ZNF649: variants seen among roughly 807,000 people sequenced by gnomAD.
ZNF649 encodes the protein zinc finger protein 649.
Under a neutral mutation model 14.1 loss-of-function variants are expected in ZNF649, and 7 were observed. The observed-to-expected ratio is 0.49, with a 90% confidence interval of 0.28 to 0.93. ZNF649 has a LOEUF of 0.93. ZNF649 is among the 40% of genes least tolerant of loss of function. The pLI is 0.10. For synonymous variants in ZNF649, 227 were observed against 212.3 expected (o/e 1.07, Z -0.60); for missense variants, 544 against 608.1 (o/e 0.89, Z 1.11).
At chr19:51,903,593 C>T (rs144528950) in intron 1 of ZNF649, among the ~76,000 whole-genome samples, 348 of 152,318 alleles carry the variant, frequency 2.3e-3, no homozygotes, top group Middle Eastern at 0.014. Context: ...CCGAGGCGGG[C>T]AGATCACCTG....
At chr19:51,900,633 G>A (rs2085089275) in intron 1 of ZNF649, among the ~76,000 whole-genome samples, 1 of 152,158 alleles carries the variant, frequency 6.6e-6, no homozygotes, top group African/African-American at 2.4e-5. Context: ...CCTCCTCAGA[G>A]GCCTCCTGTG....
chr19:51,896,191 A>G, intron 4 of ZNF649: 1 of 292,660 alleles, frequency 3.4e-6, no homozygotes, highest in South Asian at 5.0e-5. Context: ...ACAAGTGATG[A>G]AGAAGAATGG....
At chr19:51,901,950 C>CA (rs35820639) in intron 1 of ZNF649, among the ~76,000 whole-genome samples, 3,251 of 63,336 alleles carry the variant, frequency 0.051, 88 homozygotes, top group Middle Eastern at 0.12. Flanking sequence ...GACTCTGTAT[C>CA]AAAAAAAAAA....
At chr19:51,899,843 C>G (rs538094482) in intron 2 of ZNF649, 1 of 368,968 alleles carries the variant, frequency 2.7e-6, no homozygotes, top group African/African-American at 2.1e-5. Context: ...TGGACACAAG[C>G]TGACACTTAA....
chr19:51,896,430 A>T (rs373878470), intron 4 of ZNF649, 42 bp downstream of exon 4: 29 of 1,572,796 alleles, frequency 1.8e-5, no homozygotes, highest in Non-Finnish European at 2.2e-5. Context: ...CCAGAATGTG[A>T]CTTCCGCTGC....
At position 51,902,073 on chromosome 19, in the gene ZNF649, TCAC is replaced by T. The variant is rs1440005012; in HGVS notation, c.-187-1782_-187-1780del. Among the ~76,000 whole-genome samples the T allele has an allele frequency of 2.0e-5, 3 of 152,076 alleles. No homozygotes were observed. In the East Asian group the frequency reaches 5.8e-4, roughly 29 times the overall value. On this transcript the variant is annotated intron_variant, in intron 1 of 4. Coordinates refer to ENST00000354957, the MANE Select transcript of ZNF649 (RefSeq NM_023074.4). ...CTGCCATGTGAGGGCACCGCATTCT[TCAC>T]CTCCAAAGAAATAGCGACAAAACAC...
chr19:51,899,962 C>T (rs2122771053), intron 2 of ZNF649, 131 bp downstream of exon 2: 1 of 654,612 alleles, frequency 1.5e-6, no homozygotes, highest in Non-Finnish European at 2.4e-6. Flanking sequence ...ATTAAAGGTA[C>T]AGTCTAAGTC....
intron 4 of ZNF649, among the ~76,000 whole-genome samples, chr19:51,895,837 C>A (rs977327813): frequency 2.0e-5 from 3 of 152,086 alleles, no homozygotes; most frequent in Admixed American, 6.6e-5. Flanking sequence ...AAATGCTGTT[C>A]TAGCAAATTA....
chr19:51,902,446 G>A (rs1255919515), intron 1 of ZNF649, among the ~76,000 whole-genome samples: 1 of 152,160 alleles, frequency 6.6e-6, no homozygotes, highest in Non-Finnish European at 1.5e-5. Flanking sequence ...CCTCAGGTTC[G>A]ATTAATTTGC....
chr19:51,891,487 T>C lies in ZNF649; in HGVS notation c.649A>G (p.Lys217Glu). ...TCGTGTTCAGTGAGCCTGTACTTCT[T>C]GTAGAAGGCTTTCCCACACAAGCTA... Reference protein sequence around the residue: ...VCSLCGKAFYKKYRLTEHERA... With the variant: ...VCSLCGKAFYEKYRLTEHERA... The change falls in exon 5 of 5, where the codon AAG (lysine) becomes GAG (glutamate). Residue 217 changes from lysine to glutamate, a missense_variant. Physicochemically the swap from Lys to Glu is moderately conservative, Grantham distance 56 (BLOSUM62 1). Coordinates refer to ENST00000354957, the MANE Select transcript of ZNF649 (RefSeq NM_023074.4). This position sits in a 1 kb window ranked among gnomAD's most constrained non-coding sequence, Gnocchi z 4.2. 1.9e-6 allele frequency: 3 copies of C among 1,614,206 alleles called. No individual in the cohort carries two copies. Among genetic ancestry groups the C allele is most frequent in the South Asian group, 1.1e-5 (1 of 91,078 alleles).
intron 4 of ZNF649, among the ~76,000 whole-genome samples, chr19:51,895,909 G>A (rs2085059569): frequency 6.6e-6 from 1 of 152,178 alleles, no homozygotes; most frequent in African/African-American, 2.4e-5. Context: ...CAGAAGCTGA[G>A]GTGACAACCT....
Position 51,891,130 on chromosome 19 carries a change from GTA to G in ZNF649, c.1004_1005del (p.Ile335ThrfsTer15), listed in dbSNP as rs868853351. On this transcript the variant is annotated frameshift_variant, in exon 5 of 5. Coordinates refer to ENST00000354957, the MANE Select transcript of ZNF649 (RefSeq NM_023074.4). LOFTEE classifies it low-confidence loss of function (END_TRUNC). This position sits in a 1 kb window ranked among gnomAD's most constrained non-coding sequence, Gnocchi z 4.2. ...TTCTCTCCAGTGTGAGTTCGTTGAT[GTA>G]TGTTGAGATTGCCCTTCTGAATGAA... Reference protein sequence around the residue: ...KGFIQKGNLNIHQRTHTGEKP... With the variant: ...KGFIQKGNLNXHQRTHTGEKP... 1 of 1,614,046 alleles carries G rather than the reference GTA, an allele frequency of 6.2e-7. No homozygotes were observed. Among genetic ancestry groups the G allele is most frequent in the Non-Finnish European group, 8.5e-7 (1 of 1,180,014 alleles).
chr19:51,891,057 C>T lies in ZNF649; in HGVS notation c.1079G>A (p.Cys360Tyr). 6.2e-7 allele frequency: 1 copy of T among 1,614,204 alleles called. No individual in the cohort carries two copies. Among genetic ancestry groups the T allele is most frequent in the South Asian group, 1.1e-5 (1 of 91,080 alleles). Residue 360 changes from cysteine (C) to tyrosine (Y), a missense_variant, in exon 5 of 5, where the codon TGC (cysteine) becomes TAC (tyrosine). Transcript: ENST00000354957. This position sits in a 1 kb window ranked among gnomAD's most constrained non-coding sequence, Gnocchi z 4.2. ...DCGKAFSQKS[C>Y]LVAHQRYHTG... ...ATGATATCTCTGATGTGCTACAAGG[C>T]AAGACTTCTGGCTGAAGGCCTTGCC... is the stretch of plus-strand genomic sequence containing the variant.
At position 51,890,880 on chromosome 19, in the gene ZNF649, A is replaced by G; in HGVS notation, c.1256T>C (p.Val419Ala). 2 of 1,614,258 alleles carry G rather than the reference A, an allele frequency of 1.2e-6. No homozygotes were observed. Among genetic ancestry groups the G allele is most frequent in the Non-Finnish European group, 1.7e-6 (2 of 1,180,038 alleles). The change falls in exon 5 of 5, where the codon GTA (valine) becomes GCA (alanine). Residue 419 changes from valine (V) to alanine (A), a missense_variant. Coordinates refer to ENST00000354957, the MANE Select transcript of ZNF649 (RefSeq NM_023074.4). ...KAFLTKTMLI[V>A]HHRTHTGERP... ...CTCTCCCGTGTGAGTTCTGTGATGT[A>G]CAATGAGCATTGTCTTTGTAAGGAA...
At chr19:51,904,090 ACT>A (rs941482067) in intron 1 of ZNF649, 16 of 152,540 alleles carry the variant, frequency 1.0e-4, no homozygotes, top group African/African-American at 3.9e-4. Context: ...AACCAATCTC[ACT>A]GTTTCTGGAC....
At chr19:51,895,555 G>A (rs894143852) in intron 4 of ZNF649, among the ~76,000 whole-genome samples, 22 of 151,866 alleles carry the variant, frequency 1.4e-4, no homozygotes, top group African/African-American at 5.3e-4. Context: ...TGTTGGCAAA[G>A]CTGGTCTCAA....
chr19:51,889,277 C>T lies in ZNF649; in HGVS notation c.*1341G>A, dbSNP rs1272527964. The T allele has an allele frequency of 6.6e-6, 1 of 152,106 alleles. No individual in the cohort carries two copies. The highest frequency in any genetic ancestry group is 1.5e-5 in the Non-Finnish European group (1 of 68,020). The allele number at this position is 152,106 out of a possible 1,614,324, so 9.4% of individuals were successfully genotyped here. On this transcript the variant is annotated 3_prime_UTR_variant, in exon 5 of 5. Coordinates refer to ENST00000354957, the MANE Select transcript of ZNF649 (RefSeq NM_023074.4). ...ATTATACAGTAAGTGATATAATGTC[C>T]TTGAAGTTAGAATGATAAGTTCATG...
At chr19:51,899,185 CAG>C (rs1453314602) in intron 2 of ZNF649, among the ~76,000 whole-genome samples, 3 of 152,192 alleles carry the variant, frequency 2.0e-5, no homozygotes, top group Non-Finnish European at 4.4e-5. Flanking sequence ...GAACCAGAGA[CAG>C]AGACCAAATA....
intron 1 of ZNF649, among the ~76,000 whole-genome samples, chr19:51,902,526 A>C (rs908707352): frequency 6.6e-6 from 1 of 152,244 alleles, no homozygotes; most frequent in African/African-American, 2.4e-5. Flanking sequence ...TCCTGTCTAG[A>C]AAAACGAAGT....
Sources: gnomAD v4.1 joint callset for allele counts (sites outside exome capture counted in the v4.1 genomes callset) on GRCh38, gnomAD v4.1.1 for gene constraint, Gnocchi (gnomAD v3.1) non-coding constraint, MANE v1.5 for transcripts, NCBI Gene and HGNC (gene_info 2026-07-23, HGNC 2026-07-21) for gene names.